The following RBFOX1 variants were observed in gnomAD, a reference collection of about 807,000 sequenced individuals.
The protein encoded by RBFOX1 is RNA binding protein fox-1 homolog 1.
A neutral mutation model predicts 57.7 loss-of-function variants in RBFOX1; 8 were observed. That is an observed-to-expected ratio of 0.14 (90% CI 0.08 to 0.25). RBFOX1 has a LOEUF of 0.25. RBFOX1 is among the 10% of genes least tolerant of loss of function. RBFOX1 has a pLI of 1.00. For missense variants in RBFOX1, 611 were observed against 548.5 expected, an observed-to-expected ratio of 1.11 and a Z score of -1.14; for synonymous variants, 326 against 222.4, an observed-to-expected ratio of 1.47 and a Z score of -4.15.
intron 3 of RBFOX1, among the ~76,000 whole-genome samples, chr16:5,757,923 C>A (rs2053457818): frequency 6.6e-6 from 1 of 152,226 alleles, no homozygotes; most frequent in South Asian, 2.1e-4. Context: ...ACTACTCTCG[C>A]TGGTCATCAC....
At chr16:7,352,161 A>AT (rs2097140640) in intron 4 of RBFOX1, among the ~76,000 whole-genome samples, 1 of 152,166 alleles carries the variant, frequency 6.6e-6, no homozygotes, top group Admixed American at 6.5e-5. Context: ...TCTGCTCCAG[A>AT]TACAGCCATG....
intron 1 of RBFOX1, among the ~76,000 whole-genome samples, chr16:5,248,093 A>G (rs557496237): frequency 6.6e-6 from 1 of 152,348 alleles, no homozygotes; most frequent in South Asian, 2.1e-4. Flanking sequence ...CACCTCGCAC[A>G]GCTTACAAAA....
At chr16:5,855,685 C>T (rs2057006982) in intron 3 of RBFOX1, among the ~76,000 whole-genome samples, 1 of 152,040 alleles carries the variant, frequency 6.6e-6, no homozygotes, top group South Asian at 2.1e-4. Context: ...TCTTCTTGCT[C>T]AAAATTATTA....
chr16:5,432,336 A>AT (rs35359742), intron 1 of RBFOX1, among the ~76,000 whole-genome samples: 90,121 of 151,730 alleles, frequency 0.59, 27,035 homozygotes, highest in East Asian at 0.68. Flanking sequence ...CGCTAACCAA[A>AT]TTAGTCATCG....
intron 1 of RBFOX1, among the ~76,000 whole-genome samples, chr16:6,233,367 C>T (rs898201662): frequency 6.6e-6 from 1 of 152,086 alleles, no homozygotes; most frequent in Non-Finnish European, 1.5e-5. Flanking sequence ...AAACCACCAT[C>T]TCCCCCGGGT....
intron 3 of RBFOX1, among the ~76,000 whole-genome samples, chr16:6,761,079 T>G (rs1311869895): frequency 6.6e-6 from 1 of 152,210 alleles, no homozygotes; most frequent in Admixed American, 6.5e-5. Flanking sequence ...TATTGATTAG[T>G]AGGGGGCTAT....
chr16:7,326,446 G>T (rs1252779152), intron 4 of RBFOX1, among the ~76,000 whole-genome samples: 1 of 152,136 alleles, frequency 6.6e-6, no homozygotes, highest in Non-Finnish European at 1.5e-5. Flanking sequence ...AGCAACATCT[G>T]TATGGGGTGT....
intron 2 of RBFOX1, among the ~76,000 whole-genome samples, chr16:6,619,706 T>G (rs1167635040): frequency 1.3e-5 from 2 of 150,812 alleles, no homozygotes; most frequent in Admixed American, 1.3e-4. Flanking sequence ...TTTTTTTTTT[T>G]TTAATAACTT....
intron 4 of RBFOX1, among the ~76,000 whole-genome samples, chr16:7,267,908 C>G (rs1603462290): frequency 6.6e-6 from 1 of 152,184 alleles, no homozygotes; most frequent in African/African-American, 2.4e-5. Flanking sequence ...GTCAGAAGCA[C>G]TTCAGTACAG....
chr16:6,620,105 A>G (rs542348839), intron 2 of RBFOX1, among the ~76,000 whole-genome samples: 73 of 152,276 alleles, frequency 4.8e-4, no homozygotes, highest in Non-Finnish European at 8.7e-4. Flanking sequence ...TATCCAGTCT[A>G]TCATTGGTAG....
chr16:7,650,041 AC>A, intron 11 of RBFOX1, among the ~76,000 whole-genome samples: 1 of 117,702 alleles, frequency 8.5e-6, no homozygotes, highest in East Asian at 2.8e-4. Context: ...GGAGGGAAGG[AC>A]AGGAGGGAGG....
chr16:6,599,731 G>T (rs934249759), intron 2 of RBFOX1, among the ~76,000 whole-genome samples: 2 of 152,162 alleles, frequency 1.3e-5, no homozygotes, highest in African/African-American at 4.8e-5. Flanking sequence ...CCATCCCAGT[G>T]CTCACCACCT....
intron 3 of RBFOX1, among the ~76,000 whole-genome samples, chr16:5,843,329 C>T (rs914032343): frequency 6.6e-6 from 1 of 152,144 alleles, no homozygotes; most frequent in African/African-American, 2.4e-5. Flanking sequence ...TGTGCTGTTC[C>T]CTTCTGTGTA....
chr16:5,849,769 T>C (rs576374385), intron 3 of RBFOX1, among the ~76,000 whole-genome samples: 1 of 152,212 alleles, frequency 6.6e-6, no homozygotes, highest in African/African-American at 2.4e-5. Flanking sequence ...TGATCTTGAG[T>C]GTGCAGCGTC....
intron 3 of RBFOX1, among the ~76,000 whole-genome samples, chr16:6,933,275 CAT>C (rs1382254290): frequency 1.3e-5 from 2 of 152,196 alleles, no homozygotes; most frequent in African/African-American, 4.8e-5. Context: ...ATTGATGAAT[CAT>C]AGAGTAATTT....
chr16:6,176,824 T>G (rs1474473875), intron 1 of RBFOX1, among the ~76,000 whole-genome samples: 1 of 152,170 alleles, frequency 6.6e-6, no homozygotes. Context: ...GTGTCCTTAC[T>G]GGGGGAGTGC....
chr16:7,423,702 A>G (rs1353527748), intron 4 of RBFOX1, among the ~76,000 whole-genome samples: 2 of 152,136 alleles, frequency 1.3e-5, no homozygotes, highest in African/African-American at 2.4e-5. Context: ...ACCTGCCCAG[A>G]GGAGGAGGCT....
intron 2 of RBFOX1, among the ~76,000 whole-genome samples, chr16:5,468,642 A>G (rs909275849): frequency 2.0e-5 from 3 of 152,264 alleles, no homozygotes; most frequent in African/African-American, 7.2e-5. Context: ...CCAAAAGGAG[A>G]AATAGCTGAC....
chr16:7,329,479 C>A (rs1165583639), intron 4 of RBFOX1, among the ~76,000 whole-genome samples: 13 of 152,218 alleles, frequency 8.5e-5, no homozygotes, highest in Admixed American at 8.5e-4. Flanking sequence ...AAGGAAGAAT[C>A]ACAGCTCAGC....
Sources: gnomAD v4.1 joint callset for allele counts (sites outside exome capture counted in the v4.1 genomes callset) on GRCh38, gnomAD v4.1.1 for gene constraint, MANE v1.5 for transcripts, NCBI Gene and HGNC (gene_info 2026-07-23, HGNC 2026-07-21) for gene names.